Variants in GALNT15 observed in about 807,000 individuals in gnomAD.
The protein encoded by GALNT15 is UDP-GalNAc transferase T15.
GALNT15 carries 67 observed loss-of-function variants against 66.8 expected under a neutral mutation model. That is an observed-to-expected ratio of 1.00 (90% CI 0.82 to 1.23). The LOEUF (loss-of-function observed/expected upper bound fraction) is 1.23. GALNT15 is among the 50% of genes most tolerant of loss of function. GALNT15 has a pLI of 0.00. For synonymous variants in GALNT15, 313 were observed against 311.5 expected, an observed-to-expected ratio of 1.00 and a Z score of -0.05; for missense variants, 827 against 804.3, an observed-to-expected ratio of 1.03 and a Z score of -0.34.
At chr3:16,242,696 T>C in the GALNT15 span, among the ~76,000 whole-genome samples, 1 of 152,146 alleles carries the variant, frequency 6.6e-6, no homozygotes, top group South Asian at 2.1e-4. The surrounding 1 kb of genome is among the most constrained non-coding windows in gnomAD (Gnocchi z 5.6). Context: ...AGAAGATCAC[T>C]TGAGGCTGGG....
intron 1 of GALNT15, among the ~76,000 whole-genome samples, chr3:16,185,758 GAT>G (rs2063510081): frequency 7.5e-6 from 1 of 132,674 alleles, no homozygotes; most frequent in Non-Finnish European, 1.7e-5. Flanking sequence ...CAGATAGATA[GAT>G]AGATAGATAG....
chr3:16,207,303 T>C (rs1234141139), intron 3 of GALNT15, among the ~76,000 whole-genome samples: 1 of 151,912 alleles, frequency 6.6e-6, no homozygotes, highest in African/African-American at 2.4e-5. Flanking sequence ...CTAGCCACCC[T>C]GAAGTTCAGG....
Position 16,219,869 on chromosome 3 carries a change from T to C in GALNT15, c.1525-41T>C. ...TGTCTGACCGAGGGTGTCTTTACAG[T>C]GGAATCTGGAATTCACTCCTGTGTG... On this transcript the variant is annotated intron_variant, in intron 7 of 9. Coordinates refer to ENST00000339732, the MANE Select transcript of GALNT15 (RefSeq NM_054110.5). This position sits in a 1 kb window ranked among gnomAD's most constrained non-coding sequence, Gnocchi z 4.3. 2.0e-6 allele frequency: 3 copies of C among 1,503,862 alleles called. No homozygotes were observed. The highest frequency in any genetic ancestry group is 4.5e-5 in the East Asian group (2 of 44,270). 93.2% of individuals were successfully genotyped at this position (1,503,862 alleles called of 1,614,324 possible). A position where few individuals can be genotyped will look rare whatever the true frequency, so the allele number is the denominator to read the frequency against.
chr3:16,230,215 G>A (rs1325324162), downstream of GALNT15, among the ~76,000 whole-genome samples: 1 of 152,160 alleles, frequency 6.6e-6, no homozygotes, highest in Non-Finnish European at 1.5e-5. This position sits in a 1 kb window ranked among gnomAD's most constrained non-coding sequence, Gnocchi z 4.5. Flanking sequence ...ACAGAGAGAA[G>A]TGTCCGGCCA....
In GALNT15 at chr3:16,229,391, C is replaced by T. The variant is rs1276039679; in HGVS notation, c.*1891C>T. The T allele has an allele frequency of 7.3e-6, 6 of 820,998 alleles. No homozygotes were observed. The highest frequency in any genetic ancestry group is 1.9e-5 in the African/African-American group (1 of 53,788). The allele number at this position is 820,998 out of a possible 1,614,324, so 50.9% of individuals were successfully genotyped here. On this transcript the variant is annotated 3_prime_UTR_variant, in exon 10 of 10. Coordinates refer to ENST00000339732, the MANE Select transcript of GALNT15 (RefSeq NM_054110.5). ...CTGGCCACATTTCAAATGCTCACTA[C>T]CCACCTGTGGCTAGGGTCTACTTCT...
Position 16,229,502 on chromosome 3 carries a change from G to C in GALNT15, c.*2002G>C, listed in dbSNP as rs575523650. ...TAGATTCATTATCCCATCTAGAGAAGAGACTTTAGTCACTGTCTTCTTGCT... is the reference window on the plus strand; with the variant it reads ...TAGATTCATTATCCCATCTAGAGAACAGACTTTAGTCACTGTCTTCTTGCT... On this transcript the variant is annotated 3_prime_UTR_variant, in exon 10 of 10. Transcript: ENST00000339732. The C allele has an allele frequency of 1.4e-3, 1,356 of 984,812 alleles. 1 individual carries two copies. Among genetic ancestry groups the C allele is most frequent in the Non-Finnish European group, 1.5e-3 (1,268 of 829,410 alleles). The allele number at this position is 984,812 out of a possible 1,614,324, so 61.0% of individuals were successfully genotyped here.
chr3:16,216,884 G>A (rs1390666980), intron 6 of GALNT15, among the ~76,000 whole-genome samples: 1 of 152,228 alleles, frequency 6.6e-6, no homozygotes, highest in Non-Finnish European at 1.5e-5. Context: ...ATATCGGGAA[G>A]CTGATCACCA....
At chr3:16,241,538 A>G in the GALNT15 span, among the ~76,000 whole-genome samples, 2 of 152,032 alleles carry the variant, frequency 1.3e-5, no homozygotes, top group African/African-American at 4.8e-5. The surrounding 1 kb of genome is among the most constrained non-coding windows in gnomAD (Gnocchi z 4.6). Context: ...GGCTTAAAAC[A>G]GCAACTTTTT....
chr3:16,231,716 A>G (rs1326145855), downstream of GALNT15: 10 of 1,123,536 alleles, frequency 8.9e-6, no homozygotes, highest in Non-Finnish European at 1.3e-5. This position sits in a 1 kb window ranked among gnomAD's most constrained non-coding sequence, Gnocchi z 4.1. Context: ...GTCAATGGAC[A>G]TTCCAGTACC....
rs184561991 is a variant in GALNT15 at position 16,204,273 on chromosome 3, C to G, written c.911+3450C>G. On this transcript the variant is annotated intron_variant, in intron 3 of 9. Transcript: ENST00000339732. The surrounding 1 kb of genome is among the most constrained non-coding windows in gnomAD (Gnocchi z 4.5). ...TTCCTCATGACCATTCCTCCTGACT[C>G]CCATTCCTCAGAAAATTGGTCATAA... is the stretch of plus-strand genomic sequence containing the variant. Among the ~76,000 whole-genome samples, 1 of 152,268 alleles carries G rather than the reference C, an allele frequency of 6.6e-6. No individual in the cohort carries two copies. The highest frequency in any genetic ancestry group is 6.5e-5 in the Admixed American group (1 of 15,296).
At chr3:16,214,863 G>T (rs1427116955) in intron 6 of GALNT15, among the ~76,000 whole-genome samples, 1 of 152,144 alleles carries the variant, frequency 6.6e-6, no homozygotes, top group Non-Finnish European at 1.5e-5. Context: ...TTAGCAACAG[G>T]GAGCAACTGG....
At position 16,203,180 on chromosome 3, in the gene GALNT15, A is replaced by G. The variant is rs750320570; in HGVS notation, c.911+2357A>G. Among the ~76,000 whole-genome samples the G allele has an allele frequency of 1.3e-5, 2 of 151,922 alleles. No homozygotes were observed. Among genetic ancestry groups the G allele is most frequent in the African/African-American group, 2.4e-5 (1 of 41,332 alleles). On this transcript the variant is annotated intron_variant, in intron 3 of 9. Transcript: ENST00000339732. This position sits in a 1 kb window ranked among gnomAD's most constrained non-coding sequence, Gnocchi z 6.2. ...GTCCAGTGCTGTTTTTATTGTGTAC[A>G]TTTTCTTTTTAAGAGTTGGAGAAGC...
rs1014017140 is a variant in GALNT15, at chr3:16,212,420, T to C, written c.1198-149T>C. The C allele has an allele frequency of 5.5e-6, 4 of 729,460 alleles. No homozygotes were observed. In the African/African-American group the frequency reaches 7.2e-5, roughly 13 times the overall value. 45.2% of individuals were successfully genotyped at this position (729,460 alleles called of 1,614,324 possible). On this transcript the variant is annotated intron_variant, in intron 5 of 9. Transcript: ENST00000339732. ...CCAGAACCTCCAAATCTGGAAACTCTACGCCACCCTGAGGACCATAATCAT... is the reference window on the plus strand; with the variant it reads ...CCAGAACCTCCAAATCTGGAAACTCCACGCCACCCTGAGGACCATAATCAT...
chr3:16,208,996 G>T (rs1003287903), intron 4 of GALNT15, among the ~76,000 whole-genome samples: 2 of 152,182 alleles, frequency 1.3e-5, no homozygotes, highest in Non-Finnish European at 2.9e-5. Context: ...TAATGCCCCA[G>T]TGTGTGGCAA....
chr3:16,245,938 G>A, the GALNT15 span, among the ~76,000 whole-genome samples: 1 of 152,202 alleles, frequency 6.6e-6, no homozygotes, highest in South Asian at 2.1e-4. Context: ...ATGGGTAATA[G>A]ACATTTGTTG....
downstream of GALNT15, chr3:16,231,730 G>T: frequency 3.1e-6 from 4 of 1,309,344 alleles, no homozygotes; most frequent in South Asian, 3.8e-5. This position sits in a 1 kb window ranked among gnomAD's most constrained non-coding sequence, Gnocchi z 4.1. Context: ...CAGTACCTAT[G>T]ACAAATGCTA....
In GALNT15 at chr3:16,184,245, C is replaced by T. The variant is rs1357768005; in HGVS notation, c.539+8555C>T. ...ATATTCACCGGATATTTCGTTGAAG[C>T]AGAGAAGTTAGCCTCATTATTTAAC... On this transcript the variant is annotated intron_variant, in intron 1 of 9. Coordinates refer to ENST00000339732, the MANE Select transcript of GALNT15 (RefSeq NM_054110.5). The surrounding 1 kb of genome is among the most constrained non-coding windows in gnomAD (Gnocchi z 5.0). Among the ~76,000 whole-genome samples the T allele has an allele frequency of 6.6e-6, 1 of 152,224 alleles. No individual in the cohort carries two copies. The highest frequency in any genetic ancestry group is 1.5e-5 in the Non-Finnish European group (1 of 68,050).
At chr3:16,214,216 C>G (rs2063849071) in intron 6 of GALNT15, among the ~76,000 whole-genome samples, 1 of 152,204 alleles carries the variant, frequency 6.6e-6, no homozygotes, top group Non-Finnish European at 1.5e-5. Flanking sequence ...TACTAGCTAG[C>G]ATCTTTGTTC....
At position 16,227,282 on chromosome 3, in the gene GALNT15, T is replaced by A; in HGVS notation, c.1774-72T>A. ...ATTCTCTTAATGATTAGCACAAATC[T>A]TAAAAATATTTTCTTTTGCTGACTG... On this transcript the variant is annotated intron_variant, in intron 9 of 9. Transcript: ENST00000339732. This position sits in a 1 kb window ranked among gnomAD's most constrained non-coding sequence, Gnocchi z 4.5. 6.7e-7 allele frequency: 1 copy of A among 1,498,864 alleles called. No homozygotes were observed. 92.8% of individuals were successfully genotyped at this position (1,498,864 alleles called of 1,614,324 possible). A position where few individuals can be genotyped will look rare whatever the true frequency, so the allele number is the denominator to read the frequency against.
Sources: gnomAD v4.1 joint callset for allele counts (sites outside exome capture counted in the v4.1 genomes callset) on GRCh38, gnomAD v4.1.1 for gene constraint, Gnocchi (gnomAD v3.1) non-coding constraint, MANE v1.5 for transcripts, NCBI Gene and HGNC (gene_info 2026-07-23, HGNC 2026-07-21) for gene names.